ARHGAP42: variants seen among roughly 807,000 people sequenced by gnomAD.
ARHGAP42 encodes Rho GTPase activating protein 42.
Under a neutral mutation model 125.0 loss-of-function variants are expected in ARHGAP42, and 63 were observed. That is an observed-to-expected ratio of 0.50 (90% CI 0.41 to 0.62). The LOEUF is 0.62. ARHGAP42 is among the 20% of genes least tolerant of loss of function. ARHGAP42 has a pLI of 0.00. For missense variants in ARHGAP42, 766 were observed against 1,024.2 expected, an observed-to-expected ratio of 0.75 and a Z score of 3.44; for synonymous variants, 339 against 351.0, an observed-to-expected ratio of 0.97 and a Z score of 0.38.
At position 100,936,313 on chromosome 11, in the gene ARHGAP42, T is replaced by C. The variant is rs1435949258; in HGVS notation, c.813T>C (p.Tyr271=). 6.4e-7 allele frequency: 1 copy of C among 1,551,592 alleles called. No homozygotes were observed. The highest frequency in any genetic ancestry group is 8.7e-7 in the Non-Finnish European group (1 of 1,146,882). The change falls in exon 8 of 24, where the codon TAT becomes TAC. Residue 271 remains tyrosine, a synonymous_variant. Transcript: ENST00000298815. ...RPPSQWTMEG[Y]LYVQEKRPLG... The stretch of plus-strand genomic sequence containing the variant: ...CCAGCCAGTGGACGATGGAAGGCTA[T>C]CTGTATGTCCAGGAGAAACGTGAGT...
intron 2 of ARHGAP42, among the ~76,000 whole-genome samples, chr11:100,782,564 G>A (rs75916535): frequency 0.037 from 5,629 of 152,168 alleles, 100 homozygotes; most frequent in African/African-American, 0.07. Context: ...AGGAAGCAGA[G>A]TATATAGAGA....
rs749877720 is a variant in ARHGAP42, at chr11:100,903,706, C to CAAAAAAA, written c.385-9742_385-9741insAAAAAAA. ...AGAATGTATATATATACATGTCCCTCAAAATATATATATATATATATATAT... is the reference window on the plus strand; with the variant it reads ...AGAATGTATATATATACATGTCCCTCAAAAAAAAAAATATATATATATATATATATAT... On this transcript the variant is annotated intron_variant, in intron 4 of 23. Coordinates refer to ENST00000298815, the MANE Select transcript of ARHGAP42 (RefSeq NM_152432.4). Among the ~76,000 whole-genome samples the CAAAAAAA allele has an allele frequency of 1.7e-3, 54 of 32,476 alleles. 3 individuals carry two copies. The highest frequency in any genetic ancestry group is 4.3e-3 in the African/African-American group (38 of 8,814). The allele number at this position is 32,476 out of a possible 152,430, so 21.3% of individuals were successfully genotyped here.
chr11:100,976,986 G>T lies in ARHGAP42; in HGVS notation c.2393+15G>T. ...CCTGGCTCAGTGTAAGTGAGCGTTTGTATATTTGCTGTGTCTCCCAGGGAT... is the reference window on the plus strand; with the variant it reads ...CCTGGCTCAGTGTAAGTGAGCGTTTTTATATTTGCTGTGTCTCCCAGGGAT... On this transcript the variant is annotated intron_variant, in intron 21 of 23. Coordinates refer to ENST00000298815, the MANE Select transcript of ARHGAP42 (RefSeq NM_152432.4). The T allele has an allele frequency of 1.9e-6, 3 of 1,550,824 alleles. No homozygotes were observed. Among genetic ancestry groups the T allele is most frequent in the Non-Finnish European group, 1.7e-6 (2 of 1,146,476 alleles).
chr11:100,917,771 T>C (rs1409466456), intron 5 of ARHGAP42, among the ~76,000 whole-genome samples: 1 of 152,040 alleles, frequency 6.6e-6, no homozygotes, highest in African/African-American at 2.4e-5. Context: ...AGGGTTTCAC[T>C]ATGTTGGCCA....
chr11:100,915,816 G>A (rs1204879466), intron 5 of ARHGAP42, among the ~76,000 whole-genome samples: 2 of 152,166 alleles, frequency 1.3e-5, no homozygotes, highest in African/African-American at 2.4e-5. Flanking sequence ...TAGCTTCCCA[G>A]GGTATATAAT....
chr11:100,885,279 T>A (rs1196603839), intron 4 of ARHGAP42, among the ~76,000 whole-genome samples: 1 of 152,218 alleles, frequency 6.6e-6, no homozygotes, highest in Admixed American at 6.5e-5. Flanking sequence ...ATTGGGTATC[T>A]CAATTAGAGC....
intron 1 of ARHGAP42, among the ~76,000 whole-genome samples, chr11:100,762,380 T>C (rs1297240774): frequency 6.6e-6 from 1 of 152,212 alleles, no homozygotes; most frequent in Admixed American, 6.5e-5. Flanking sequence ...CACTGTTCTC[T>C]GGTAATTCTG....
At chr11:100,782,652 A>G (rs1014155026) in intron 2 of ARHGAP42, among the ~76,000 whole-genome samples, 2 of 151,776 alleles carry the variant, frequency 1.3e-5, no homozygotes, top group Non-Finnish European at 2.9e-5. Flanking sequence ...ATAGTTATCT[A>G]GGAATAGGAG....
chr11:100,983,276 G>A (rs138127025), intron 22 of ARHGAP42, among the ~76,000 whole-genome samples: 51 of 152,132 alleles, frequency 3.4e-4, no homozygotes, highest in African/African-American at 1.2e-3. Context: ...TTACATATTA[G>A]CACAAATAAC....
At chr11:100,890,914 GCTGCCC>G (rs1866201529) in intron 4 of ARHGAP42, among the ~76,000 whole-genome samples, 2 of 152,164 alleles carry the variant, frequency 1.3e-5, no homozygotes, top group South Asian at 4.1e-4. Context: ...GTCTTGGGAA[GCTGCCC>G]CTGTTTCACA....
chr11:100,724,660 T>G (rs747016262), intron 1 of ARHGAP42, among the ~76,000 whole-genome samples: 1 of 148,828 alleles, frequency 6.7e-6, no homozygotes, highest in Non-Finnish European at 1.5e-5. Context: ...GTGATAACCC[T>G]GATTTCATTT....
chr11:100,768,913 A>C (rs889055058), intron 1 of ARHGAP42, among the ~76,000 whole-genome samples: 2 of 152,204 alleles, frequency 1.3e-5, no homozygotes. Flanking sequence ...ACACATTTTG[A>C]GAAAAACGTC....
At chr11:100,810,144 T>A (rs1374465919) in intron 3 of ARHGAP42, among the ~76,000 whole-genome samples, 1 of 151,602 alleles carries the variant, frequency 6.6e-6, no homozygotes, top group Admixed American at 6.6e-5. Flanking sequence ...GGCAAAAAAA[T>A]AAGAGACTCA....
At chr11:100,784,759 T>C (rs553161114) in intron 2 of ARHGAP42, among the ~76,000 whole-genome samples, 5 of 152,170 alleles carry the variant, frequency 3.3e-5, no homozygotes, top group Non-Finnish European at 7.4e-5. Context: ...ATACCTACAG[T>C]AGTGAAAAAG....
chr11:100,916,235 T>C (rs979145795), intron 5 of ARHGAP42, among the ~76,000 whole-genome samples: 11 of 152,228 alleles, frequency 7.2e-5, no homozygotes, highest in African/African-American at 2.7e-4. Context: ...ATATTTGTTA[T>C]GTGAATAAAT....
intron 1 of ARHGAP42, among the ~76,000 whole-genome samples, chr11:100,753,184 C>A (rs1419976278): frequency 6.6e-6 from 1 of 152,072 alleles, no homozygotes; most frequent in Non-Finnish European, 1.5e-5. Flanking sequence ...GGTTCTCTGG[C>A]CGCTGGGGTG....
chr11:100,844,810 G>A (rs540279896), intron 3 of ARHGAP42, among the ~76,000 whole-genome samples: 1 of 152,250 alleles, frequency 6.6e-6, no homozygotes, highest in East Asian at 1.9e-4. Flanking sequence ...TTTGGATGCA[G>A]TGAACAGGGA....
chr11:100,756,933 A>T (rs552537539), intron 1 of ARHGAP42, among the ~76,000 whole-genome samples: 1 of 152,324 alleles, frequency 6.6e-6, no homozygotes, highest in Admixed American at 6.5e-5. Context: ...ATTGAGATTT[A>T]TTTTTATGCT....
At chr11:100,754,064 T>C (rs1403144959) in intron 1 of ARHGAP42, among the ~76,000 whole-genome samples, 2 of 152,250 alleles carry the variant, frequency 1.3e-5, no homozygotes, top group Admixed American at 1.3e-4. Context: ...CAGAAGATTA[T>C]TTAAATTGTA....
Sources: gnomAD v4.1 joint callset for allele counts (sites outside exome capture counted in the v4.1 genomes callset) on GRCh38, gnomAD v4.1.1 for gene constraint, MANE v1.5 for transcripts, NCBI Gene and HGNC (gene_info 2026-07-23, HGNC 2026-07-21) for gene names.